The following SGPL1 variants were observed in gnomAD, a reference collection of about 807,000 sequenced individuals.
The protein encoded by SGPL1 is sphingosine-1-phosphate lyase 1.
In SGPL1, 37 loss-of-function variants were observed where a neutral mutation model predicts 68.9. The ratio of observed to expected loss-of-function variants is 0.54; its 90% CI spans 0.41 to 0.71. The LOEUF is 0.71. SGPL1 is among the 30% of genes least tolerant of loss of function. The pLI is 0.00. For synonymous variants in SGPL1, 236 were observed against 248.5 expected (o/e 0.95, Z 0.47); for missense variants, 551 against 704.6 (o/e 0.78, Z 2.47).
intron 2 of SGPL1, among the ~76,000 whole-genome samples, chr10:70,822,182 A>G (rs550129492): frequency 2.0e-5 from 3 of 152,164 alleles, no homozygotes; most frequent in Non-Finnish European, 4.4e-5. Context: ...AGGATTTGCT[A>G]GAAGAAAGGG....
chr10:70,874,658 G>C (rs1846354872), intron 12 of SGPL1, among the ~76,000 whole-genome samples: 1 of 152,176 alleles, frequency 6.6e-6, no homozygotes, highest in African/African-American at 2.4e-5. Flanking sequence ...GGGAGGCAGA[G>C]GTTGCGGTGA....
At chr10:70,835,859 A>G (rs1845620581) in intron 2 of SGPL1, among the ~76,000 whole-genome samples, 1 of 152,202 alleles carries the variant, frequency 6.6e-6, no homozygotes, top group Non-Finnish European at 1.5e-5. Context: ...GATCAGTAAA[A>G]TCATTAGGGC....
chr10:70,843,738 A>G (rs1845750945), intron 2 of SGPL1, among the ~76,000 whole-genome samples: 1 of 152,264 alleles, frequency 6.6e-6, no homozygotes, highest in Admixed American at 6.5e-5. Flanking sequence ...ATTATAGTCA[A>G]GTAAGGCCTT....
At chr10:70,862,116 T>C (rs1846074129) in intron 7 of SGPL1, among the ~76,000 whole-genome samples, 1 of 152,248 alleles carries the variant, frequency 6.6e-6, no homozygotes, top group South Asian at 2.1e-4. Context: ...TGAAGCCAGC[T>C]GGGCTCCTGA....
chr10:70,873,494 C>A lies in SGPL1; in HGVS notation c.1203C>A (p.Ser401Arg), dbSNP rs760310681. Residue 401 changes from serine to arginine, a missense_variant, in exon 12 of 15, where the codon AGC becomes AGA. Coordinates refer to ENST00000373202, the MANE Select transcript of SGPL1 (RefSeq NM_003901.4). Reference protein sequence around the residue: ...TIAGSRPGGISAACWAALMHF... With the variant: ...TIAGSRPGGIRAACWAALMHF... ...CAGGCTCACGGCCTGGTGGCATTAG[C>A]GCAGCCTGTTGGGCTGCCTTGATGC... 6.2e-7 allele frequency: 1 copy of A among 1,614,212 alleles called. No homozygotes were observed. Among genetic ancestry groups the A allele is most frequent in the Non-Finnish European group, 8.5e-7 (1 of 1,179,998 alleles).
chr10:70,852,645 A>G (rs1483943532), intron 4 of SGPL1, among the ~76,000 whole-genome samples: 3 of 152,148 alleles, frequency 2.0e-5, no homozygotes, highest in African/African-American at 7.2e-5. Context: ...GGACTATCCA[A>G]TCACTCTCCA....
rs1846440752 is a variant in SGPL1, at chr10:70,878,530, T to G, written c.*1195T>G. 1 of 152,254 alleles carries G rather than the reference T, an allele frequency of 6.6e-6. No individual in the cohort carries two copies. The allele number at this position is 152,254 out of a possible 1,614,324, so 9.4% of individuals were successfully genotyped here. On this transcript the variant is annotated 3_prime_UTR_variant, in exon 15 of 15. Coordinates refer to ENST00000373202, the MANE Select transcript of SGPL1 (RefSeq NM_003901.4). ...CAGAAATCAGACCTTTTTCTATGCTTTTTTGAATATCAGAGTAGGATGAAC... is the reference window on the plus strand; with the variant it reads ...CAGAAATCAGACCTTTTTCTATGCTGTTTTGAATATCAGAGTAGGATGAAC...
chr10:70,846,336 A>T (rs1373221718), intron 3 of SGPL1, among the ~76,000 whole-genome samples: 2 of 151,996 alleles, frequency 1.3e-5, no homozygotes, highest in African/African-American at 2.4e-5. Context: ...ATTTCAGAGG[A>T]TTCTGAGGGG....
Position 70,827,583 on chromosome 10 carries a change from A to G in SGPL1, c.27+10703A>G, listed in dbSNP as rs143714500. Among the ~76,000 whole-genome samples the G allele has an allele frequency of 5.1e-3, 776 of 152,298 alleles. 5 individuals are homozygous for G. Among genetic ancestry groups the G allele is most frequent in the African/African-American group, 0.017 (694 of 41,570 alleles). On this transcript the variant is annotated intron_variant, in intron 2 of 14. Coordinates refer to ENST00000373202, the MANE Select transcript of SGPL1 (RefSeq NM_003901.4). ...TAGTATAGGCAGAAACTGCAGAACA[A>G]TCCTAGCCCATTATTCAGGCTTTAT...
In SGPL1 at chr10:70,879,272, T is replaced by C. The variant is rs903710487; in HGVS notation, c.*1937T>C. 6.5e-6 allele frequency: 1 copy of C among 152,776 alleles called. No individual in the cohort carries two copies. Among genetic ancestry groups the C allele is most frequent in the South Asian group, 2.1e-4 (1 of 4,838 alleles). 9.5% of individuals were successfully genotyped at this position (152,776 alleles called of 1,614,324 possible). ...TGGGAGAGCCATGACTACCAGACTT[T>C]TCCTCAGGCTCCTTGGCATGTTAGT... On this transcript the variant is annotated 3_prime_UTR_variant, in exon 15 of 15. Coordinates refer to ENST00000373202, the MANE Select transcript of SGPL1 (RefSeq NM_003901.4).
At chr10:70,870,812 C>G (rs1180273123) in intron 9 of SGPL1, among the ~76,000 whole-genome samples, 1 of 152,176 alleles carries the variant, frequency 6.6e-6, no homozygotes, top group African/African-American at 2.4e-5. Context: ...TTTTCGCCCC[C>G]ACAGCGATTC....
At chr10:70,817,471 A>G (rs1275268233) in intron 2 of SGPL1, among the ~76,000 whole-genome samples, 1 of 152,208 alleles carries the variant, frequency 6.6e-6, no homozygotes, top group Non-Finnish European at 1.5e-5. Context: ...TATGTTCCTC[A>G]GACCGGAGTG....
chr10:70,851,484 T>A (rs1465612067), intron 4 of SGPL1, among the ~76,000 whole-genome samples: 1 of 151,072 alleles, frequency 6.6e-6, no homozygotes, highest in Non-Finnish European at 1.5e-5. Context: ...CACAGAATTA[T>A]CTGGCTGGAA....
chr10:70,846,386 A>G lies in SGPL1; in HGVS notation c.193+1748A>G, dbSNP rs1352657160. On this transcript the variant is annotated intron_variant, in intron 3 of 14. Transcript: ENST00000373202. ...CTTTCTTTTTATTTTTTAACTTTTCATTAAAAAAAAAATCAGTCTCTGCTT... is the reference window on the plus strand; with the variant it reads ...CTTTCTTTTTATTTTTTAACTTTTCGTTAAAAAAAAAATCAGTCTCTGCTT... Among the ~76,000 whole-genome samples the G allele has an allele frequency of 9.2e-4, 4 of 4,344 alleles. No individual in the cohort carries two copies. The Non-Finnish European group carries it at 0.016, about 18-fold the overall frequency. The allele number at this position is 4,344 out of a possible 152,430, so 2.8% of individuals were successfully genotyped here.
At chr10:70,857,569 C>A in intron 5 of SGPL1, 45 bp from the exon 6 acceptor site, 1 of 1,484,030 alleles carries the variant, frequency 6.7e-7, no homozygotes, top group South Asian at 1.1e-5. Flanking sequence ...CCTGTCTTCC[C>A]AGAGATTCTT....
At chr10:70,835,845 T>C (rs947658471) in intron 2 of SGPL1, among the ~76,000 whole-genome samples, 4 of 152,062 alleles carry the variant, frequency 2.6e-5, no homozygotes, top group African/African-American at 7.2e-5. Context: ...AATGAAGCTA[T>C]AGAGATCAGT....
intron 3 of SGPL1, among the ~76,000 whole-genome samples, chr10:70,848,606 A>G (rs112315569): frequency 0.056 from 8,480 of 151,848 alleles, 279 homozygotes; most frequent in Non-Finnish European, 0.064. Flanking sequence ...CTGGGATTAC[A>G]GGCGCGTGCC....
intron 2 of SGPL1, among the ~76,000 whole-genome samples, chr10:70,841,845 T>C (rs1049274660): frequency 6.6e-6 from 1 of 152,164 alleles, no homozygotes; most frequent in Non-Finnish European, 1.5e-5. Context: ...CAAAACATCT[T>C]CTACCTTTTT....
At position 70,851,147 on chromosome 10, in the gene SGPL1, A is replaced by G; in HGVS notation, c.198A>G (p.Leu66=). 2 of 1,613,082 alleles carry G rather than the reference A, an allele frequency of 1.2e-6. No individual in the cohort carries two copies. Among genetic ancestry groups the G allele is most frequent in the African/African-American group, 1.3e-5 (1 of 75,032 alleles). ...AGAACCATTTGTTTCTTTTAGGTTT[A>G]TGGTCAAGGTTTAAAAAGAAATGTT... ...GYEFVFQPES[L]WSRFKKKCFK... The change falls in exon 4 of 15, where the codon TTA becomes TTG. Residue 66 remains leucine, a synonymous_variant. Coordinates refer to ENST00000373202, the MANE Select transcript of SGPL1 (RefSeq NM_003901.4).
Sources: allele counts gnomAD v4.1 joint callset (sites outside exome capture counted in the v4.1 genomes callset), GRCh38; gene constraint gnomAD v4.1.1; transcripts MANE v1.5; gene names NCBI Gene and HGNC (gene_info 2026-07-23, HGNC 2026-07-21).